PID1: variants seen among roughly 807,000 people sequenced by gnomAD.
The protein encoded by PID1 is PTB-containing, cubilin and LRP1-interacting protein.
A neutral mutation model predicts 19.1 loss-of-function variants in PID1; 10 were observed. The ratio of observed to expected loss-of-function variants is 0.52; its 90% CI spans 0.32 to 0.89. The LOEUF is 0.89. Among genes scored for constraint, PID1 ranks in the 40% least tolerant of loss-of-function variants. PID1 has a pLI of 0.03. For synonymous variants in PID1, 130 were observed against 116.0 expected (o/e 1.12, Z -0.78); for missense variants, 248 against 285.3 (o/e 0.87, Z 0.94).
rs886072751 is a variant in PID1 at position 229,024,649 on chromosome 2, A to G, written c.*983T>C. ...AAGGTTTCCTCGGTGATACCAAATC[A>G]GATTTGAAGCTTGCCATCAAGGATG... On this transcript the variant is annotated 3_prime_UTR_variant, in exon 3 of 3. Transcript: ENST00000392055. 2 of 152,654 alleles carry G rather than the reference A, an allele frequency of 1.3e-5. No homozygotes were observed. Among genetic ancestry groups the G allele is most frequent in the African/African-American group, 4.8e-5 (2 of 41,454 alleles). The allele number at this position is 152,654 out of a possible 1,614,324, so 9.5% of individuals were successfully genotyped here. A position where few individuals can be genotyped will look rare whatever the true frequency, so the allele number is the denominator to read the frequency against.
rs563066662 is a variant in PID1 at position 229,214,434 on chromosome 2, C to G, written c.30+56580G>C. On this transcript the variant is annotated intron_variant, in intron 1 of 2. Coordinates refer to ENST00000392055, the MANE Select transcript of PID1 (RefSeq NM_001100818.2). The stretch of plus-strand genomic sequence containing the variant: ...CAAGTCAGCCAAAATATACTCACTT[C>G]TTAAGAAGTAGATCCTGAGGATATT... Among the ~76,000 whole-genome samples the G allele has an allele frequency of 3.3e-5, 5 of 152,158 alleles. No individual in the cohort carries two copies. In the East Asian group the frequency reaches 9.6e-4, roughly 29 times the overall value.
At chr2:229,112,171 G>A (rs1416323159) in intron 2 of PID1, among the ~76,000 whole-genome samples, 2 of 152,156 alleles carry the variant, frequency 1.3e-5, no homozygotes, top group East Asian at 3.9e-4. Context: ...AAAGTTTTCA[G>A]TTCACACTGA....
chr2:229,261,467 A>G (rs1450954608), intron 1 of PID1, among the ~76,000 whole-genome samples: 1 of 152,226 alleles, frequency 6.6e-6, no homozygotes, highest in African/African-American at 2.4e-5. Context: ...CTTGTACAGC[A>G]GGATTCCGCT....
intron 1 of PID1, among the ~76,000 whole-genome samples, chr2:229,177,814 A>G (rs770185053): frequency 6.6e-6 from 1 of 152,340 alleles, no homozygotes; most frequent in Admixed American, 6.5e-5. Flanking sequence ...TATGTCAGGT[A>G]TAATGACTCA....
chr2:229,123,843 C>T (rs62193232), intron 2 of PID1, among the ~76,000 whole-genome samples: 10,481 of 152,202 alleles, frequency 0.069, 531 homozygotes, highest in South Asian at 0.22. Flanking sequence ...AAATCATTTG[C>T]ACATTTATTA....
intron 2 of PID1, among the ~76,000 whole-genome samples, chr2:229,075,181 C>T (rs1044108508): frequency 7.2e-5 from 11 of 152,104 alleles, no homozygotes; most frequent in South Asian, 2.1e-4. Flanking sequence ...GTACGAGGAA[C>T]GTAACGCATA....
At chr2:229,165,266 C>G (rs1165622478) in intron 1 of PID1, among the ~76,000 whole-genome samples, 5 of 152,140 alleles carry the variant, frequency 3.3e-5, no homozygotes, top group African/African-American at 1.2e-4. Flanking sequence ...ATCCAGTATC[C>G]AATAAGGTAA....
chr2:229,121,892 A>G (rs1369261832), intron 2 of PID1, among the ~76,000 whole-genome samples: 1 of 152,124 alleles, frequency 6.6e-6, no homozygotes, highest in Admixed American at 6.5e-5. Context: ...GAAAACAGAG[A>G]GTGATTATGG....
At chr2:229,032,328 A>C (rs1693572013) in intron 2 of PID1, among the ~76,000 whole-genome samples, 1 of 152,246 alleles carries the variant, frequency 6.6e-6, no homozygotes, top group Admixed American at 6.5e-5. Flanking sequence ...GTAAGAACAC[A>C]GAACTCAATG....
intron 2 of PID1, among the ~76,000 whole-genome samples, chr2:229,113,413 T>TATATATATACACACACATAC (rs1188119890): frequency 5.8e-4 from 81 of 139,296 alleles, no homozygotes; most frequent in African/African-American, 2.0e-3. Flanking sequence ...TATATATTTA[T>TATATATATACACACACATAC]ATATATATAC....
chr2:229,207,168 C>T (rs2058407), intron 1 of PID1, among the ~76,000 whole-genome samples: 72,071 of 151,882 alleles, frequency 0.47, 17,621 homozygotes, highest in Non-Finnish European at 0.52. Context: ...TCAAGTTTTA[C>T]ACAAGTCTTC....
At chr2:229,194,916 C>A in intron 1 of PID1, among the ~76,000 whole-genome samples, 1 of 21,476 alleles carries the variant, frequency 4.7e-5, no homozygotes, top group Admixed American at 7.2e-4. Context: ...CAATGCCAAT[C>A]TCATTGCTAT....
At chr2:229,149,678 T>C (rs1020077272) in intron 2 of PID1, among the ~76,000 whole-genome samples, 1 of 152,218 alleles carries the variant, frequency 6.6e-6, no homozygotes, top group Non-Finnish European at 1.5e-5. Flanking sequence ...ACTGGTTTGT[T>C]TGACAGTTAC....
At chr2:229,213,062 G>A (rs1274520319) in intron 1 of PID1, among the ~76,000 whole-genome samples, 1 of 152,276 alleles carries the variant, frequency 6.6e-6, no homozygotes, top group Middle Eastern at 3.4e-3. Context: ...TAACCAAGGA[G>A]ACCAGAGGTA....
intron 2 of PID1, among the ~76,000 whole-genome samples, chr2:229,088,805 G>A (rs968665194): frequency 6.6e-6 from 1 of 152,006 alleles, no homozygotes; most frequent in African/African-American, 2.4e-5. Flanking sequence ...TCAAAAGCCG[G>A]TTCACTACTT....
chr2:229,167,307 T>A (rs1000610808), intron 1 of PID1, among the ~76,000 whole-genome samples: 2 of 152,176 alleles, frequency 1.3e-5, no homozygotes, highest in African/African-American at 4.8e-5. Flanking sequence ...AGAACTTTAC[T>A]TTGGCAAAAC....
intron 1 of PID1, among the ~76,000 whole-genome samples, chr2:229,191,004 T>C (rs1279432167): frequency 6.6e-6 from 1 of 152,104 alleles, no homozygotes; most frequent in Non-Finnish European, 1.5e-5. Context: ...GAGGAGTATG[T>C]TACTAGGGAA....
At chr2:229,208,334 T>C (rs138461041) in intron 1 of PID1, among the ~76,000 whole-genome samples, 1 of 152,224 alleles carries the variant, frequency 6.6e-6, no homozygotes, top group African/African-American at 2.4e-5. Context: ...GATCACCACT[T>C]TATCTTGCAT....
chr2:229,041,823 G>GTTAA (rs1296133831), intron 2 of PID1, among the ~76,000 whole-genome samples: 12 of 151,696 alleles, frequency 7.9e-5, no homozygotes, highest in Non-Finnish European at 4.4e-5. Context: ...CAAATGGAAG[G>GTTAA]GCATTGCTTA....
Sources: gnomAD v4.1 joint callset for allele counts (sites outside exome capture counted in the v4.1 genomes callset) on GRCh38, gnomAD v4.1.1 for gene constraint, MANE v1.5 for transcripts, NCBI Gene and HGNC (gene_info 2026-07-23, HGNC 2026-07-21) for gene names.